The following SYTL1 variants were observed in gnomAD, a reference collection of about 807,000 sequenced individuals.
The protein encoded by SYTL1 is synaptotagmin-like protein 1.
A neutral mutation model predicts 74.6 loss-of-function variants in SYTL1; 53 were observed. That is an observed-to-expected ratio of 0.71 (90% CI 0.57 to 0.89). The LOEUF is 0.89. Ranked by LOEUF, SYTL1 falls within the 40% of genes least tolerant of loss-of-function variation. The pLI is 0.00. For synonymous variants in SYTL1, 329 were observed against 324.9 expected, an observed-to-expected ratio of 1.01 and a Z score of -0.14; for missense variants, 728 against 768.7, an observed-to-expected ratio of 0.95 and a Z score of 0.63.
chr1:27,350,176 A>G lies in SYTL1; in HGVS notation c.908+44A>G. On this transcript the variant is annotated intron_variant, in intron 9 of 14. Transcript: ENST00000616558. This position sits in a 1 kb window ranked among gnomAD's most constrained non-coding sequence, Gnocchi z 6.3. ...AAGCGGGGCGCGGCTGTCACAGCCC[A>G]GCCCACCATTCACAGGGTCTCGGCC... The G allele has an allele frequency of 6.9e-7, 1 of 1,448,814 alleles. No individual in the cohort carries two copies. The highest frequency in any genetic ancestry group is 2.6e-5 in the East Asian group (1 of 38,014). The allele number at this position is 1,448,814 out of a possible 1,614,324, so 89.7% of individuals were successfully genotyped here.
rs2015146806 is a variant in SYTL1 at position 27,349,481 on chromosome 1, C to T, written c.616C>T (p.Arg206Trp). ...EPASGGEQEP[R>W]PQQAQTKAAS... Reference sequence around the variant, plus strand: ...CGCGTCGGGGGGAGAGCAGGAGCCGCGGCCCCAGCAAGCCCAGGTAGGCGG... The same window carrying T: ...CGCGTCGGGGGGAGAGCAGGAGCCGTGGCCCCAGCAAGCCCAGGTAGGCGG... Residue 206 changes from arginine to tryptophan, a missense_variant, in exon 7 of 15, where the codon CGG (arginine) becomes TGG (tryptophan). Physicochemically the swap from Arg to Trp is moderately radical, Grantham distance 101 (BLOSUM62 -3). Coordinates refer to ENST00000616558, the MANE Select transcript of SYTL1 (RefSeq NM_001193308.2). 2 of 1,454,436 alleles carry T rather than the reference C, an allele frequency of 1.4e-6. No individual in the cohort carries two copies. The allele number at this position is 1,454,436 out of a possible 1,614,324, so 90.1% of individuals were successfully genotyped here.
Position 27,353,839 on chromosome 1 carries a change from C to A in SYTL1, c.1676C>A (p.Ala559Asp), listed in dbSNP as rs748929538. ...CTTCTACCCCTCAGAACCAACCTGG[C>A]CCCCAGGACGTAGCCCCACCAAGCC... is the stretch of plus-strand genomic sequence containing the variant. The part of the protein sequence containing the change: ...DGLLPLRTNL[A>D]PRT The change falls in exon 15 of 15, where the codon GCC (alanine) becomes GAC (aspartate). Residue 559 changes from alanine (A) to aspartate (D), a missense_variant. Coordinates refer to ENST00000616558, the MANE Select transcript of SYTL1 (RefSeq NM_001193308.2). The A allele has an allele frequency of 1.9e-6, 3 of 1,613,140 alleles. No individual in the cohort carries two copies. Among genetic ancestry groups the A allele is most frequent in the Non-Finnish European group, 2.5e-6 (3 of 1,179,362 alleles).
At position 27,343,697 on chromosome 1, in the gene SYTL1, A is replaced by G. The variant is rs2014876580; in HGVS notation, c.-39+1547A>G. On this transcript the variant is annotated intron_variant, in intron 1 of 14. Coordinates refer to ENST00000616558, the MANE Select transcript of SYTL1 (RefSeq NM_001193308.2). This position sits in a 1 kb window ranked among gnomAD's most constrained non-coding sequence, Gnocchi z 5.2. ...GCATATTTCTGCATTTAATTAATCAAACTTTTACCAACCATCTGTTGTGTG... is the reference window on the plus strand; with the variant it reads ...GCATATTTCTGCATTTAATTAATCAGACTTTTACCAACCATCTGTTGTGTG... Among the ~76,000 whole-genome samples, 1 of 151,824 alleles carries G rather than the reference A, an allele frequency of 6.6e-6. No homozygotes were observed. Among genetic ancestry groups the G allele is most frequent in the South Asian group, 2.1e-4 (1 of 4,806 alleles).
In SYTL1 at chr1:27,347,815, G is replaced by A; in HGVS notation, c.348G>A (p.Gln116=). ...MRRKKSTRGD[Q]APGHDREAEA... is the part of the protein sequence containing the mutation. ...CTTCTCACCTGCGCCCAGGAGACCA[G>A]GCTCCAGGCCACGACAGGGAGGCTG... Residue 116 remains glutamine, a synonymous_variant, in exon 4 of 15, where the codon CAG becomes CAA. Transcript: ENST00000616558. The surrounding 1 kb of genome is among the most constrained non-coding windows in gnomAD (Gnocchi z 4.9). 6.2e-7 allele frequency: 1 copy of A among 1,613,604 alleles called. No homozygotes were observed. The highest frequency in any genetic ancestry group is 8.5e-7 in the Non-Finnish European group (1 of 1,179,800).
At position 27,350,026 on chromosome 1, in the gene SYTL1, G is replaced by C; in HGVS notation, c.802G>C (p.Gly268Arg). ...SGDAEAVQVRGSVHFALHYEP... is the reference protein window; with the variant it reads ...SGDAEAVQVRRSVHFALHYEP... The stretch of plus-strand genomic sequence containing the variant: ...CGACGCGGAGGCGGTGCAGGTCCGC[G>C]GCTCCGTGCACTTCGCGCTGCACTA... Residue 268 changes from glycine to arginine, a missense_variant, in exon 9 of 15, where the codon GGC (glycine) becomes CGC (arginine). Gly to Arg is a moderately radical substitution (Grantham distance 125, BLOSUM62 -2). Transcript: ENST00000616558. This position sits in a 1 kb window ranked among gnomAD's most constrained non-coding sequence, Gnocchi z 6.3. 6.5e-7 allele frequency: 1 copy of C among 1,550,162 alleles called. No homozygotes were observed. Among genetic ancestry groups the C allele is most frequent in the Non-Finnish European group, 8.6e-7 (1 of 1,157,560 alleles).
chr1:27,351,661 T>C lies in SYTL1; in HGVS notation c.1343+106T>C, dbSNP rs2015284656. 2.7e-6 allele frequency: 2 copies of C among 751,474 alleles called. No individual in the cohort carries two copies. The highest frequency in any genetic ancestry group is 3.9e-5 in the South Asian group (2 of 51,862). 46.6% of individuals were successfully genotyped at this position (751,474 alleles called of 1,614,324 possible). ...ACCTTTGATCACGCAGCCTGGGCTT[T>C]CACCACTGAGCAGGGGTGAAGGGGA... On this transcript the variant is annotated intron_variant, in intron 13 of 14. Transcript: ENST00000616558. The surrounding 1 kb of genome is among the most constrained non-coding windows in gnomAD (Gnocchi z 5.0).
chr1:27,351,843 G>C lies in SYTL1; in HGVS notation c.1343+288G>C. 1 of 357,488 alleles carries C rather than the reference G, an allele frequency of 2.8e-6. No homozygotes were observed. The highest frequency in any genetic ancestry group is 4.9e-5 in the East Asian group (1 of 20,310). The allele number at this position is 357,488 out of a possible 1,614,324, so 22.1% of individuals were successfully genotyped here. A position where few individuals can be genotyped will look rare whatever the true frequency, so the allele number is the denominator to read the frequency against. ...CCTGGGAGGCCAGGCTGTGGGGCTT[G>C]GCTGGGAACTTATAGTTCAGTGTAA... On this transcript the variant is annotated intron_variant, in intron 13 of 14. Coordinates refer to ENST00000616558, the MANE Select transcript of SYTL1 (RefSeq NM_001193308.2). The surrounding 1 kb of genome is among the most constrained non-coding windows in gnomAD (Gnocchi z 5.0).
chr1:27,347,301 C>A lies in SYTL1; in HGVS notation c.192-120C>A. 7.4e-7 allele frequency: 1 copy of A among 1,352,430 alleles called. No homozygotes were observed. The highest frequency in any genetic ancestry group is 1.3e-5 in the South Asian group (1 of 77,292). The allele number at this position is 1,352,430 out of a possible 1,614,324, so 83.8% of individuals were successfully genotyped here. On this transcript the variant is annotated intron_variant, in intron 2 of 14. Transcript: ENST00000616558. This position sits in a 1 kb window ranked among gnomAD's most constrained non-coding sequence, Gnocchi z 4.9. ...CAGCAGCCCGAGCTCCTCCACAGCA[C>A]AGATCAAGTCTGATTTGCTGTTGGG...
intron 1 of SYTL1, among the ~76,000 whole-genome samples, chr1:27,344,466 C>T (rs1443766539): frequency 6.6e-6 from 1 of 151,226 alleles, no homozygotes; most frequent in Non-Finnish European, 1.5e-5. Context: ...GTCTTGAACT[C>T]CTGACCTCAG....
rs1383481910 is a variant in SYTL1, at chr1:27,351,730, T to C, written c.1343+175T>C. 3.8e-6 allele frequency: 2 copies of C among 529,810 alleles called. No individual in the cohort carries two copies. The highest frequency in any genetic ancestry group is 3.7e-5 in the Admixed American group (1 of 26,972). 32.8% of individuals were successfully genotyped at this position (529,810 alleles called of 1,614,324 possible). On this transcript the variant is annotated intron_variant, in intron 13 of 14. Transcript: ENST00000616558. The surrounding 1 kb of genome is among the most constrained non-coding windows in gnomAD (Gnocchi z 5.0). ...GGAGTCAGGGAAGTTGAGGACACCT[T>C]TGAGGAGCTGCATTTCAGCGTGACT...
Position 27,350,488 on chromosome 1 carries a change from G to T in SYTL1, c.1005+3G>T. 6.2e-7 allele frequency: 1 copy of T among 1,611,410 alleles called. No individual in the cohort carries two copies. Among genetic ancestry groups the T allele is most frequent in the Non-Finnish European group, 8.5e-7 (1 of 1,178,460 alleles). On this transcript the variant is annotated splice_donor_region_variant and intron_variant, in intron 10 of 14. Coordinates refer to ENST00000616558, the MANE Select transcript of SYTL1 (RefSeq NM_001193308.2). This position sits in a 1 kb window ranked among gnomAD's most constrained non-coding sequence, Gnocchi z 6.3. ...CGGTTTTCAACGAGACTCTCCGGGT[G>T]AGGCTGTGACCACGATGCGGTTCCC...
Position 27,351,641 on chromosome 1 carries a change from T to C in SYTL1, c.1343+86T>C, listed in dbSNP as rs2015284059. ...CCACAAACCCTTACTAATCAACCTT[T>C]GATCACGCAGCCTGGGCTTTCACCA... On this transcript the variant is annotated intron_variant, in intron 13 of 14. Transcript: ENST00000616558. This position sits in a 1 kb window ranked among gnomAD's most constrained non-coding sequence, Gnocchi z 5.0. The C allele has an allele frequency of 3.5e-6, 3 of 865,248 alleles. No individual in the cohort carries two copies. Among genetic ancestry groups the C allele is most frequent in the Non-Finnish European group, 5.2e-6 (3 of 571,750 alleles). The allele number at this position is 865,248 out of a possible 1,614,324, so 53.6% of individuals were successfully genotyped here. A position where few individuals can be genotyped will look rare whatever the true frequency, so the allele number is the denominator to read the frequency against.
chr1:27,347,784 A>C lies in SYTL1; in HGVS notation c.341-24A>C, dbSNP rs780544276. 1 of 1,606,412 alleles carries C rather than the reference A, an allele frequency of 6.2e-7. No homozygotes were observed. The highest frequency in any genetic ancestry group is 8.5e-7 in the Non-Finnish European group (1 of 1,176,364). On this transcript the variant is annotated intron_variant, in intron 3 of 14. Transcript: ENST00000616558. This position sits in a 1 kb window ranked among gnomAD's most constrained non-coding sequence, Gnocchi z 4.9. The stretch of plus-strand genomic sequence containing the variant: ...CCAGGCTTCCTGAGCATGGGGGCTC[A>C]CAGAACTTCTCACCTGCGCCCAGGA...
chr1:27,349,960 T>C lies in SYTL1; in HGVS notation c.748-12T>C. The C allele has an allele frequency of 6.4e-7, 1 of 1,570,678 alleles. No individual in the cohort carries two copies. The highest frequency in any genetic ancestry group is 8.6e-7 in the Non-Finnish European group (1 of 1,167,462). ...GCGAGCGGCCCTGACTCCCACCCACTCCCGTCCGCAGCTGAGCGGCAGCCA... is the reference window on the plus strand; with the variant it reads ...GCGAGCGGCCCTGACTCCCACCCACCCCCGTCCGCAGCTGAGCGGCAGCCA... On this transcript the variant is annotated splice_polypyrimidine_tract_variant and intron_variant, in intron 8 of 14. Coordinates refer to ENST00000616558, the MANE Select transcript of SYTL1 (RefSeq NM_001193308.2).
At position 27,351,213 on chromosome 1, in the gene SYTL1, C is replaced by T; in HGVS notation, c.1165-45C>T. ...TCTGCAGACCCCACCCTCCTGAGGCCCCTTTCCATTAGCCCCTGCTCCACG... is the reference window on the plus strand; with the variant it reads ...TCTGCAGACCCCACCCTCCTGAGGCTCCTTTCCATTAGCCCCTGCTCCACG... On this transcript the variant is annotated intron_variant, in intron 11 of 14. Transcript: ENST00000616558. This position sits in a 1 kb window ranked among gnomAD's most constrained non-coding sequence, Gnocchi z 5.0. The T allele has an allele frequency of 1.3e-6, 2 of 1,545,146 alleles. No individual in the cohort carries two copies. The highest frequency in any genetic ancestry group is 1.7e-6 in the Non-Finnish European group (2 of 1,144,114).
In SYTL1 at chr1:27,353,452, C is replaced by A. The variant is rs374034129; in HGVS notation, c.1513C>A (p.Arg505Ser). Residue 505 changes from arginine to serine, a missense_variant, in exon 14 of 15, where the codon CGC becomes AGC. Arg to Ser is a moderately radical substitution (Grantham distance 110). Transcript: ENST00000616558. ...CTGGGACCATGGGGCCCTGGCCAAC[C>A]GCCAGCTGGGGGGCACACGCCTCAG... is the stretch of plus-strand genomic sequence containing the variant. ...SLWDHGALAN[R>S]QLGGTRLSLG... 9.3e-6 allele frequency: 15 copies of A among 1,608,588 alleles called. No individual in the cohort carries two copies. Among genetic ancestry groups the A allele is most frequent in the African/African-American group, 1.3e-5 (1 of 75,040 alleles).
chr1:27,351,093 C>T lies in SYTL1; in HGVS notation c.1164+141C>T. On this transcript the variant is annotated intron_variant, in intron 11 of 14. Transcript: ENST00000616558. This position sits in a 1 kb window ranked among gnomAD's most constrained non-coding sequence, Gnocchi z 5.0. ...CTTAACCTCATGGCCCCAGGCGAAG[C>T]CCGGCCGGCCACGGCCCCTTCCCCG... is the stretch of plus-strand genomic sequence containing the variant. The T allele has an allele frequency of 7.5e-7, 1 of 1,333,390 alleles. No individual in the cohort carries two copies. The highest frequency in any genetic ancestry group is 1.0e-6 in the Non-Finnish European group (1 of 983,188). The allele number at this position is 1,333,390 out of a possible 1,614,324, so 82.6% of individuals were successfully genotyped here.
At chr1:27,353,053 T>C (rs1356092425) in intron 13 of SYTL1, 1 of 554,126 alleles carries the variant, frequency 1.8e-6, no homozygotes, top group Non-Finnish European at 3.3e-6. Context: ...CCCAAAGTGC[T>C]GGGATTACAG....
intron 1 of SYTL1, among the ~76,000 whole-genome samples, chr1:27,344,522 T>G (rs2014910693): frequency 6.8e-6 from 1 of 147,072 alleles, no homozygotes. Context: ...ATTACAGGCG[T>G]GAGCCACCGC....
Sources: allele counts gnomAD v4.1 joint callset (sites outside exome capture counted in the v4.1 genomes callset), GRCh38; gene constraint gnomAD v4.1.1; non-coding constraint Gnocchi (gnomAD v3.1); transcripts MANE v1.5; gene names NCBI Gene and HGNC (gene_info 2026-07-23, HGNC 2026-07-21).